The following FAM216A variants were observed in gnomAD, a reference collection of about 807,000 sequenced individuals.
FAM216A encodes the protein protein FAM216A.
A neutral mutation model predicts 37.6 loss-of-function variants in FAM216A; 26 were observed. That is an observed-to-expected ratio of 0.69 (90% CI 0.51 to 0.96). FAM216A has a LOEUF of 0.96. FAM216A is among the 40% of genes least tolerant of loss of function. FAM216A has a pLI of 0.00. For missense variants in FAM216A, 326 were observed against 339.3 expected (o/e 0.96, Z 0.31); for synonymous variants, 110 against 121.7 (o/e 0.90, Z 0.64).
rs750090083 is a variant in FAM216A at position 110,468,873 on chromosome 12, G to T, written c.-3G>T. On this transcript the variant is annotated 5_prime_UTR_variant, in exon 1 of 7. It adds an upstream start codon to the 5' untranslated region. Coordinates refer to ENST00000377673, the MANE Select transcript of FAM216A (RefSeq NM_013300.3). ...CTGACGCACGCGTGCTGTCGGGGGA[G>T]GGATGCTGGGACAGCTGCTCCCGCA... is the stretch of plus-strand genomic sequence containing the variant. 2.7e-6 allele frequency: 4 copies of T among 1,504,112 alleles called. No individual in the cohort carries two copies. Among genetic ancestry groups the T allele is most frequent in the East Asian group, 5.0e-5 (2 of 40,352 alleles). The allele number at this position is 1,504,112 out of a possible 1,614,324, so 93.2% of individuals were successfully genotyped here.
intron 3 of FAM216A, among the ~76,000 whole-genome samples, chr12:110,485,882 C>T (rs1456358975): frequency 6.6e-6 from 1 of 152,152 alleles, no homozygotes; most frequent in African/African-American, 2.4e-5. Flanking sequence ...TACTATCCCT[C>T]AGAATGTCCA....
upstream of FAM216A, chr12:110,468,443 C>T (rs1481553567): frequency 6.5e-7 from 1 of 1,535,042 alleles, no homozygotes; most frequent in Non-Finnish European, 8.7e-7. Flanking sequence ...TGGAAATCGG[C>T]CGTTGGGATG....
rs187859620 is a variant in FAM216A, at chr12:110,489,015, A to G, written c.704-1004A>G. On this transcript the variant is annotated intron_variant, in intron 6 of 6. Transcript: ENST00000377673. ...AAGCAGGTGATATTATCAAAATTTT[A>G]CAGCTGCAACTCAGACAAATCCAGA... 6.8e-3 allele frequency among the ~76,000 whole-genome samples: 1,042 copies of G among 152,346 alleles called. 1 individual carries two copies. The highest frequency in any genetic ancestry group is 9.4e-3 in the Non-Finnish European group (637 of 68,024).
chr12:110,471,336 G>C (rs1376438888), intron 1 of FAM216A, among the ~76,000 whole-genome samples: 3 of 152,132 alleles, frequency 2.0e-5, no homozygotes, highest in African/African-American at 7.2e-5. Flanking sequence ...TGATCCACCC[G>C]CCTCGGCCTC....
chr12:110,474,900 G>A lies in FAM216A; in HGVS notation c.184+1782G>A, dbSNP rs986398332. 4.0e-5 allele frequency among the ~76,000 whole-genome samples: 6 copies of A among 151,598 alleles called. No homozygotes were observed. The Admixed American group carries it at 4.0e-4, about 10-fold the overall frequency. ...CTATAATCCCAGCTACTCCAGGCAGGAGAATCGCTTGAACCTGGGAGGCAG... is the reference window on the plus strand; with the variant it reads ...CTATAATCCCAGCTACTCCAGGCAGAAGAATCGCTTGAACCTGGGAGGCAG... On this transcript the variant is annotated intron_variant, in intron 2 of 6. Transcript: ENST00000377673.
intron 6 of FAM216A, among the ~76,000 whole-genome samples, chr12:110,488,317 AGGAGAATCGATTGAACCT>A (rs1229339119): frequency 6.6e-6 from 1 of 151,336 alleles, no homozygotes; most frequent in Non-Finnish European, 1.5e-5. Context: ...AGACTGAGGC[AGGAGAATCGATTGAACCT>A]GGGAGGCGGA....
chr12:110,475,304 T>TA (rs1423356904), intron 2 of FAM216A, among the ~76,000 whole-genome samples: 1 of 151,948 alleles, frequency 6.6e-6, no homozygotes, highest in African/African-American at 2.4e-5. Flanking sequence ...TGCAGTGGTG[T>TA]AATCTTGGCT....
At chr12:110,486,207 T>G in intron 3 of FAM216A, 118 bp from the exon 4 acceptor site, 1 of 1,087,742 alleles carries the variant, frequency 9.2e-7, no homozygotes, top group Non-Finnish European at 1.3e-6. Flanking sequence ...GTAGTTGAAT[T>G]TGCTAAAGTA....
Position 110,490,112 on chromosome 12 carries a change from A to C in FAM216A, c.797A>C (p.Gln266Pro), listed in dbSNP as rs147629545. Residue 266 changes from glutamine to proline, a missense_variant, in exon 7 of 7, where the codon CAG becomes CCG. Gln to Pro is a moderately conservative substitution (Grantham distance 76). Transcript: ENST00000377673. ...ATGCAATCAATGTCAATTGAAGAAC[A>C]GGGAGAACATCTGATGTTAACTTGA... is the stretch of plus-strand genomic sequence containing the variant. ...NFMQSMSIEE[Q>P]GEHLMLT 1.3e-6 allele frequency: 2 copies of C among 1,557,428 alleles called. No homozygotes were observed. The highest frequency in any genetic ancestry group is 1.8e-6 in the Non-Finnish European group (2 of 1,128,542).
chr12:110,470,668 T>C (rs2062681242), intron 1 of FAM216A, among the ~76,000 whole-genome samples: 1 of 151,902 alleles, frequency 6.6e-6, no homozygotes, highest in African/African-American at 2.4e-5. Flanking sequence ...TTAGTAGAGA[T>C]GGGCATGAGC....
In FAM216A at chr12:110,486,661, T is replaced by C; in HGVS notation, c.564T>C (p.Ser188=). ...DSGSSDIAAA[S]APEMLIQHSL... is the part of the protein sequence containing the mutation. ...GGTCTTCTGATATCGCAGCTGCATC[T>C]GCACCTGAAATGCTCATACAGCATT... Residue 188 remains serine (S), a synonymous_variant, in exon 5 of 7, where the codon TCT becomes TCC. Coordinates refer to ENST00000377673, the MANE Select transcript of FAM216A (RefSeq NM_013300.3). 2 of 1,614,198 alleles carry C rather than the reference T, an allele frequency of 1.2e-6. No individual in the cohort carries two copies. The highest frequency in any genetic ancestry group is 1.7e-6 in the Non-Finnish European group (2 of 1,180,036).
At chr12:110,473,153 A>G in intron 2 of FAM216A, 35 bp downstream of exon 2, 1 of 1,254,644 alleles carries the variant, frequency 8.0e-7, no homozygotes, top group East Asian at 2.4e-5. Context: ...AATACTTATA[A>G]GTAACATGGT....
chr12:110,486,733 TAA>T lies in FAM216A; in HGVS notation c.620+19_620+20del. On this transcript the variant is annotated intron_variant, in intron 5 of 6. Coordinates refer to ENST00000377673, the MANE Select transcript of FAM216A (RefSeq NM_013300.3). Reference sequence around the variant, plus strand: ...ACAAAGAAGGGTCTGTTTCTTAGTGTAAAAGGGGGGAAATGCATCTCAGTTTA... The same window carrying T: ...ACAAAGAAGGGTCTGTTTCTTAGTGTAAGGGGGGAAATGCATCTCAGTTTA... 1.9e-6 allele frequency: 3 copies of T among 1,589,634 alleles called. No individual in the cohort carries two copies. The highest frequency in any genetic ancestry group is 2.6e-6 in the Non-Finnish European group (3 of 1,171,374).
At chr12:110,482,999 T>C (rs923042351) in intron 2 of FAM216A, among the ~76,000 whole-genome samples, 1 of 150,796 alleles carries the variant, frequency 6.6e-6, no homozygotes, top group African/African-American at 2.4e-5. Context: ...GAGAAGGGAG[T>C]GTGCAGGGAA....
intron 6 of FAM216A, 81 bp downstream of exon 6, chr12:110,488,024 T>C: frequency 1.2e-6 from 1 of 816,908 alleles, no homozygotes; most frequent in South Asian, 1.6e-5. Flanking sequence ...TTCATTTCTA[T>C]TATGAAGATA....
intron 2 of FAM216A, among the ~76,000 whole-genome samples, chr12:110,475,783 G>A (rs1245286018): frequency 6.6e-6 from 1 of 151,012 alleles, no homozygotes; most frequent in Non-Finnish European, 1.5e-5. Flanking sequence ...CTATCCCCCA[G>A]GCAGGAGTGC....
At chr12:110,471,310 C>T (rs757053388) in intron 1 of FAM216A, among the ~76,000 whole-genome samples, 1 of 152,078 alleles carries the variant, frequency 6.6e-6, no homozygotes, top group African/African-American at 2.4e-5. Context: ...AGGATGGTCT[C>T]GATTTCCTGA....
intron 1 of FAM216A, among the ~76,000 whole-genome samples, chr12:110,471,949 C>T (rs114714987): frequency 7.2e-5 from 11 of 152,102 alleles, no homozygotes; most frequent in Non-Finnish European, 1.3e-4. Flanking sequence ...AACAGTCTTT[C>T]GGCATGGCGT....
rs2062770001 is a variant in FAM216A, at chr12:110,485,128, G to C, written c.235G>C (p.Glu79Gln). The change falls in exon 3 of 7, where the codon GAG becomes CAG. Residue 79 changes from glutamate (E) to glutamine (Q), a missense_variant. Coordinates refer to ENST00000377673, the MANE Select transcript of FAM216A (RefSeq NM_013300.3). ...KVNSHIAKLQ[E>Q]LWKTPQNQTI... ...GAACTCACACATAGCTAAGCTGCAA[G>C]AGTTATGGAAAACTCCCCAAAATCA... 6.2e-7 allele frequency: 1 copy of C among 1,612,734 alleles called. No individual in the cohort carries two copies. Among genetic ancestry groups the C allele is most frequent in the African/African-American group, 1.3e-5 (1 of 74,860 alleles).
Sources: allele counts gnomAD v4.1 joint callset (sites outside exome capture counted in the v4.1 genomes callset), GRCh38; gene constraint gnomAD v4.1.1; transcripts MANE v1.5; gene names NCBI Gene and HGNC (gene_info 2026-07-23, HGNC 2026-07-21).